SCN2A: variants seen among roughly 807,000 people sequenced by gnomAD.
SCN2A encodes sodium channel protein type 2 subunit alpha.
A neutral mutation model predicts 188.7 loss-of-function variants in SCN2A; 20 were observed. That is an observed-to-expected ratio of 0.11 (90% CI 0.07 to 0.15). The LOEUF is 0.15. Ranked by LOEUF, SCN2A falls within the 10% of genes least tolerant of loss-of-function variation. The probability of loss-of-function intolerance (pLI) is 1.00; values close to 1 mark genes in which losing one functional copy is unlikely to be tolerated. For synonymous variants in SCN2A, 804 were observed against 833.1 expected, an observed-to-expected ratio of 0.97 and a Z score of 0.60; for missense variants, 1,278 against 2,445.0, an observed-to-expected ratio of 0.52 and a Z score of 10.07.
intron 1 of SCN2A, among the ~76,000 whole-genome samples, chr2:165,284,022 C>T (rs1220827763): frequency 2.6e-5 from 4 of 152,004 alleles, no homozygotes; most frequent in Admixed American, 6.6e-5. Flanking sequence ...GTCTCCTATG[C>T]TCTCCTTCAC....
At chr2:165,306,506 G>GTGTA (rs1256584497) in intron 3 of SCN2A, among the ~76,000 whole-genome samples, 11 of 482 alleles carry the variant, frequency 0.023, no homozygotes, top group African/African-American at 0.027. Context: ...ATGGTATTTT[G>GTGTA]TGTGTGTGTG....
intron 13 of SCN2A, among the ~76,000 whole-genome samples, chr2:165,330,679 A>G (rs1369502681): frequency 6.6e-6 from 1 of 152,108 alleles, no homozygotes; most frequent in Admixed American, 6.6e-5. Flanking sequence ...AATGAGTTCC[A>G]CTTTGTGAAA....
At chr2:165,313,093 G>A (rs1697531572) in intron 8 of SCN2A, among the ~76,000 whole-genome samples, 1 of 152,094 alleles carries the variant, frequency 6.6e-6, no homozygotes, top group African/African-American at 2.4e-5. Context: ...AGCAAGTTAA[G>A]TAACTTGCCC....
chr2:165,307,647 T>C (rs1697208591), intron 3 of SCN2A, among the ~76,000 whole-genome samples: 1 of 152,076 alleles, frequency 6.6e-6, no homozygotes, highest in Non-Finnish European at 1.5e-5. Context: ...CTCAAAATAG[T>C]TGATGGCTTG....
At chr2:165,350,464 CTTTTTTTTTTTTTTTTT>C (rs71028479) in intron 16 of SCN2A, among the ~76,000 whole-genome samples, 2 of 73,848 alleles carry the variant, frequency 2.7e-5, no homozygotes, top group African/African-American at 6.1e-5. Context: ...TGTTTTCTTT[CTTTTTTTTTTTTTTTTT>C]TTTTTTTTTG....
At chr2:165,350,460 CTTTCTTTTTTTTTT>C (rs1699828221) in intron 16 of SCN2A, among the ~76,000 whole-genome samples, 2 of 77,918 alleles carry the variant, frequency 2.6e-5, no homozygotes, top group Admixed American at 1.6e-4. Context: ...GAACTGTTTT[CTTTCTTTTTTTTTT>C]TTTTTTTTTT....
chr2:165,387,780 A>C (rs1430681641), intron 26 of SCN2A, among the ~76,000 whole-genome samples: 10 of 152,058 alleles, frequency 6.6e-5, no homozygotes, highest in Admixed American at 5.2e-4. Flanking sequence ...ATTATATAGC[A>C]CTCTTTAAAC....
intron 16 of SCN2A, among the ~76,000 whole-genome samples, chr2:165,350,789 T>C (rs1216873089): frequency 6.6e-6 from 1 of 152,118 alleles, no homozygotes; most frequent in Non-Finnish European, 1.5e-5. Context: ...TCTTAAATTG[T>C]CATGGATCAC....
intron 14 of SCN2A, among the ~76,000 whole-genome samples, chr2:165,332,287 A>C (rs751047619): frequency 6.6e-6 from 1 of 152,058 alleles, no homozygotes. Flanking sequence ...AATACGGTCT[A>C]AAGTATAATA....
At chr2:165,381,002 A>T (rs1189250834) in intron 24 of SCN2A, 91 bp from the exon 25 acceptor site, 3 of 871,128 alleles carry the variant, frequency 3.4e-6, no homozygotes, top group Non-Finnish European at 5.6e-6. Flanking sequence ...ATAGAATGAA[A>T]TGTGGGAGCC....
chr2:165,287,465 C>T (rs1186529917), intron 1 of SCN2A, among the ~76,000 whole-genome samples: 1 of 151,840 alleles, frequency 6.6e-6, no homozygotes, highest in East Asian at 1.9e-4. Flanking sequence ...AGCTCACTCA[C>T]CCAATTCCTG....
intron 1 of SCN2A, among the ~76,000 whole-genome samples, chr2:165,253,379 CATT>C (rs1361707298): frequency 6.6e-6 from 1 of 152,052 alleles, no homozygotes; most frequent in Non-Finnish European, 1.5e-5. Flanking sequence ...GTGATAATAT[CATT>C]GAGAGGCCAC....
intron 14 of SCN2A, among the ~76,000 whole-genome samples, chr2:165,332,879 A>G (rs1698770850): frequency 6.6e-6 from 1 of 152,040 alleles, no homozygotes; most frequent in Non-Finnish European, 1.5e-5. Context: ...AGCCAGCATC[A>G]TTGGGAATCA....
At chr2:165,296,546 T>C (rs562514715) in intron 2 of SCN2A, 28 of 202,210 alleles carry the variant, frequency 1.4e-4, no homozygotes, top group Non-Finnish European at 2.2e-4. Context: ...GGTTTAATTA[T>C]TCCTTTATAC....
In SCN2A at chr2:165,376,238, C is replaced by T. The variant is rs111585732; in HGVS notation, c.4254+1272C>T. Among the ~76,000 whole-genome samples the T allele has an allele frequency of 1.5e-3, 222 of 151,714 alleles. 2 individuals carry two copies. Among genetic ancestry groups the T allele is most frequent in the African/African-American group, 5.2e-3 (214 of 41,394 alleles). ...TATAAGAAGCGATAATTATATATTACTTAGCTTGAGTTAGCCATTTCACAA... is the reference window on the plus strand; with the variant it reads ...TATAAGAAGCGATAATTATATATTATTTAGCTTGAGTTAGCCATTTCACAA... On this transcript the variant is annotated intron_variant, in intron 22 of 26. Coordinates refer to ENST00000375437, the MANE Select transcript of SCN2A (RefSeq NM_001040142.2).
Position 165,296,105 on chromosome 2 carries a change from A to G in SCN2A, c.267+15A>G. ...TCAATAAGAAAGTGAGTTCTTAGTC[A>G]AGTTGCCTTCACTGCCTATTTACTA... is the stretch of plus-strand genomic sequence containing the variant. On this transcript the variant is annotated intron_variant, in intron 2 of 26. Coordinates refer to ENST00000375437, the MANE Select transcript of SCN2A (RefSeq NM_001040142.2). 3 of 1,611,898 alleles carry G rather than the reference A, an allele frequency of 1.9e-6. No homozygotes were observed. The highest frequency in any genetic ancestry group is 2.5e-6 in the Non-Finnish European group (3 of 1,179,432).
rs568600146 is a variant in SCN2A, at chr2:165,269,177, G to A, written c.-51-26596G>A. 3 of 152,132 alleles carry A rather than the reference G, an allele frequency of 2.0e-5. No homozygotes were observed. The South Asian group carries it at 6.2e-4, about 32-fold the overall frequency. 9.4% of individuals were successfully genotyped at this position (152,132 alleles called of 1,614,324 possible). ...TCTCACCACCAAAATATAAATATCT[G>A]AGGTGAAGGAGATATTAATTAGTTT... On this transcript the variant is annotated intron_variant, in intron 1 of 26. Transcript: ENST00000375437.
intron 23 of SCN2A, among the ~76,000 whole-genome samples, chr2:165,379,073 A>G (rs1701461646): frequency 6.6e-6 from 1 of 151,842 alleles, no homozygotes; most frequent in Admixed American, 6.6e-5. Flanking sequence ...AAAGTTAAAG[A>G]TATTTTTTAA....
intron 1 of SCN2A, among the ~76,000 whole-genome samples, chr2:165,294,504 G>T (rs1269470058): frequency 3.3e-5 from 5 of 151,972 alleles, no homozygotes; most frequent in Middle Eastern, 6.3e-3. Context: ...TGTTATTTTA[G>T]GTTTCCCTCT....
Sources: allele counts gnomAD v4.1 joint callset (sites outside exome capture counted in the v4.1 genomes callset), GRCh38; gene constraint gnomAD v4.1.1; transcripts MANE v1.5; gene names NCBI Gene and HGNC (gene_info 2026-07-23, HGNC 2026-07-21).